HACE1: variants seen among roughly 807,000 people sequenced by gnomAD.
HACE1 encodes the protein E3 ubiquitin-protein ligase HACE1.
In HACE1, 73 loss-of-function variants were observed where a neutral mutation model predicts 118.4. That is an observed-to-expected ratio of 0.62 (90% CI 0.51 to 0.75). The LOEUF (loss-of-function observed/expected upper bound fraction) is 0.75, where lower values mean the gene tolerates loss of function less well. Ranked by LOEUF, HACE1 falls within the 30% of genes least tolerant of loss-of-function variation. The pLI, the probability that HACE1 is intolerant of heterozygous loss-of-function variation, is 0.00. For synonymous variants in HACE1, 368 were observed against 374.8 expected, an observed-to-expected ratio of 0.98 and a Z score of 0.21; for missense variants, 749 against 1,102.2, an observed-to-expected ratio of 0.68 and a Z score of 4.54.
intron 19 of HACE1, among the ~76,000 whole-genome samples, chr6:104,765,993 G>C (rs1335010116): frequency 6.6e-6 from 1 of 152,160 alleles, no homozygotes; most frequent in Admixed American, 6.5e-5. Flanking sequence ...TACGGATAAA[G>C]ACAAATGCTC....
At chr6:104,822,203 T>TAAAAAAAA (rs58454908) in intron 6 of HACE1, among the ~76,000 whole-genome samples, 1 of 102,982 alleles carries the variant, frequency 9.7e-6, no homozygotes, top group Non-Finnish European at 1.8e-5. Flanking sequence ...CCGTCTCTAC[T>TAAAAAAAA]AAAAAAAAAA....
chr6:104,774,142 T>C (rs1780955453), intron 17 of HACE1, among the ~76,000 whole-genome samples: 1 of 102,462 alleles, frequency 9.8e-6, no homozygotes, highest in African/African-American at 4.9e-5. Context: ...CAGGCTGGAG[T>C]GCAGTGGCGG....
chr6:104,783,758 A>G (rs1256578892), intron 14 of HACE1, among the ~76,000 whole-genome samples: 2 of 152,236 alleles, frequency 1.3e-5, no homozygotes, highest in Non-Finnish European at 2.9e-5. Context: ...AAATTTCCAA[A>G]GGGCATATGT....
At chr6:104,859,496 C>T (rs1231308606) in intron 1 of HACE1, 71 bp downstream of exon 1, 2 of 1,138,754 alleles carry the variant, frequency 1.8e-6, no homozygotes, top group Non-Finnish European at 2.4e-6. Flanking sequence ...CCGACCTTGA[C>T]GCGGCCGGAG....
chr6:104,732,069 A>G (rs1382447887), intron 22 of HACE1: 1 of 152,194 alleles, frequency 6.6e-6, no homozygotes, highest in East Asian at 1.9e-4. Context: ...ACAGAAAATT[A>G]CAAGTATTGG....
chr6:104,771,420 T>C, intron 18 of HACE1, 31 bp from the exon 19 acceptor site: 1 of 1,472,214 alleles, frequency 6.8e-7, no homozygotes, highest in Non-Finnish European at 9.5e-7. Flanking sequence ...GCAGTTATAG[T>C]CTGGTTTTGC....
chr6:104,745,110 T>TA (rs1047121579), intron 20 of HACE1, among the ~76,000 whole-genome samples: 1 of 152,126 alleles, frequency 6.6e-6, no homozygotes, highest in African/African-American at 2.4e-5. Flanking sequence ...TTACGATTTT[T>TA]AAAAAAGATT....
Position 104,836,604 on chromosome 6 carries a change from T to C in HACE1, c.403-3431A>G, listed in dbSNP as rs531226480. On this transcript the variant is annotated intron_variant, in intron 5 of 23. Transcript: ENST00000262903. ...GGCACACACCTGTAATCCCAGCTAC[T>C]AGGGTGGCTAAGGCAGGAGAATTGC... 3.3e-4 allele frequency among the ~76,000 whole-genome samples: 51 copies of C among 152,250 alleles called. 2 individuals carry two copies. The South Asian group carries it at 0.011, about 32-fold the overall frequency.
rs199946047 is a variant in HACE1, at chr6:104,752,131, G to A, written c.2212-1659C>T. On this transcript the variant is annotated intron_variant, in intron 19 of 23. Transcript: ENST00000262903. ...CCTTTTATAATTTAACACAAGGAAA[G>A]CTACCATCTCTGCTATTCAATCTAG... 6.6e-5 allele frequency among the ~76,000 whole-genome samples: 10 copies of A among 152,176 alleles called. No individual in the cohort carries two copies. The East Asian group carries it at 1.9e-3, about 29-fold the overall frequency.
intron 17 of HACE1, among the ~76,000 whole-genome samples, chr6:104,774,234 C>T (rs1393817514): frequency 1.6e-5 from 2 of 127,786 alleles, no homozygotes; most frequent in African/African-American, 3.4e-5. Context: ...GGACTACAGG[C>T]GCCCGCCACT....
intron 22 of HACE1, among the ~76,000 whole-genome samples, chr6:104,742,860 C>T (rs1304656260): frequency 6.6e-6 from 1 of 151,988 alleles, no homozygotes; most frequent in African/African-American, 2.4e-5. Context: ...GACACATGCA[C>T]ACATATGTTT....
chr6:104,796,882 T>C, intron 8 of HACE1, 47 bp downstream of exon 8: 1 of 1,190,546 alleles, frequency 8.4e-7, no homozygotes, highest in Non-Finnish European at 1.3e-6. Flanking sequence ...ACCATTCCAG[T>C]TTCTATTATA....
rs148203257 is a variant in HACE1, at chr6:104,767,362, T to G, written c.2211+3831A>C. On this transcript the variant is annotated intron_variant, in intron 19 of 23. Coordinates refer to ENST00000262903, the MANE Select transcript of HACE1 (RefSeq NM_020771.4). ...ATAAATTCTATTATCCTCAAAAGCT[T>G]AAAAGCTATTCCATTTTCTCCATCT... Among the ~76,000 whole-genome samples the G allele has an allele frequency of 6.6e-5, 10 of 152,226 alleles. No individual in the cohort carries two copies. The East Asian group carries it at 1.9e-3, about 29-fold the overall frequency.
At chr6:104,782,611 A>G (rs535381389) in intron 14 of HACE1, among the ~76,000 whole-genome samples, 2 of 152,234 alleles carry the variant, frequency 1.3e-5, no homozygotes, top group Non-Finnish European at 2.9e-5. Flanking sequence ...AGCTTACAAA[A>G]AAAAGAGTAG....
intron 22 of HACE1, among the ~76,000 whole-genome samples, chr6:104,735,627 T>C (rs1319083845): frequency 6.7e-6 from 1 of 150,080 alleles, no homozygotes; most frequent in Non-Finnish European, 1.5e-5. Flanking sequence ...CGAGACTCCG[T>C]CTCAAAAAAA....
At chr6:104,796,261 C>T (rs1323250698) in intron 9 of HACE1, among the ~76,000 whole-genome samples, 3 of 151,970 alleles carry the variant, frequency 2.0e-5, no homozygotes, top group Non-Finnish European at 2.9e-5. Flanking sequence ...CAGATGCATG[C>T]CACTACACTT....
At chr6:104,849,950 T>C (rs1582776112) in intron 3 of HACE1, among the ~76,000 whole-genome samples, 1 of 33,480 alleles carries the variant, frequency 3.0e-5, no homozygotes, top group Non-Finnish European at 9.8e-5. Context: ...ACGCCCGTCC[T>C]TTTTTTTTTT....
intron 11 of HACE1, chr6:104,785,945 T>C (rs1782343412): frequency 6.6e-6 from 1 of 152,484 alleles, no homozygotes; most frequent in African/African-American, 2.4e-5. Flanking sequence ...AAATGTGGCA[T>C]ATTTATGTAT....
intron 5 of HACE1, 85 bp downstream of exon 5, chr6:104,843,138 G>T: frequency 1.3e-6 from 1 of 795,502 alleles, no homozygotes; most frequent in Non-Finnish European, 2.3e-6. Context: ...AGAAACACTT[G>T]TACTACACTT....
Sources: gnomAD v4.1 joint callset for allele counts (sites outside exome capture counted in the v4.1 genomes callset) on GRCh38, gnomAD v4.1.1 for gene constraint, MANE v1.5 for transcripts, NCBI Gene and HGNC (gene_info 2026-07-23, HGNC 2026-07-21) for gene names.